The following COMMD10 variants were observed in gnomAD, a reference collection of about 807,000 sequenced individuals.
The protein encoded by COMMD10 is COMM domain containing 10.
COMMD10 carries 33 observed loss-of-function variants against 28.9 expected under a neutral mutation model. The observed-to-expected ratio is 1.14, with a 90% confidence interval of 0.87 to 1.53. The LOEUF (loss-of-function observed/expected upper bound fraction) is 1.53, where lower values mean the gene tolerates loss of function less well. COMMD10 is among the 40% of genes most tolerant of loss of function. The pLI, the probability that COMMD10 is intolerant of heterozygous loss-of-function variation, is 0.00. For synonymous variants in COMMD10, 110 were observed against 81.7 expected, an observed-to-expected ratio of 1.35 and a Z score of -1.87; for missense variants, 310 against 233.4, an observed-to-expected ratio of 1.33 and a Z score of -2.14.
chr5:116,156,166 A>G (rs80066329), intron 5 of COMMD10, among the ~76,000 whole-genome samples: 4,374 of 152,202 alleles, frequency 0.029, 103 homozygotes, highest in East Asian at 0.14. Flanking sequence ...CAGTTCCAAA[A>G]TAACTCTGTA....
At chr5:116,173,009 G>C (rs1034850428) in intron 5 of COMMD10, among the ~76,000 whole-genome samples, 2 of 152,034 alleles carry the variant, frequency 1.3e-5, no homozygotes, top group African/African-American at 4.8e-5. Flanking sequence ...GGCAGTATTA[G>C]AATACTGAGA....
intron 5 of COMMD10, among the ~76,000 whole-genome samples, chr5:116,236,617 T>G (rs1014886745): frequency 1.3e-5 from 2 of 151,860 alleles, no homozygotes; most frequent in Non-Finnish European, 2.9e-5. Flanking sequence ...TACTGCATGA[T>G]TCCAACTATA....
chr5:116,213,074 G>A (rs912751639), intron 5 of COMMD10, among the ~76,000 whole-genome samples: 1 of 151,862 alleles, frequency 6.6e-6, no homozygotes, highest in Non-Finnish European at 1.5e-5. Flanking sequence ...TTTATTTTTT[G>A]ATTGGTTTGT....
intron 4 of COMMD10, among the ~76,000 whole-genome samples, chr5:116,122,605 A>G (rs928953682): frequency 1.3e-5 from 2 of 152,104 alleles, no homozygotes; most frequent in African/African-American, 2.4e-5. Flanking sequence ...GATTTTTCCT[A>G]TCCATGAGCA....
At chr5:116,228,274 T>C (rs1439360474) in intron 5 of COMMD10, among the ~76,000 whole-genome samples, 2 of 151,900 alleles carry the variant, frequency 1.3e-5, no homozygotes, top group Non-Finnish European at 2.9e-5. Context: ...TGAAATATAG[T>C]GCAACGTCAG....
At chr5:116,099,414 G>T (rs2112720311) in intron 4 of COMMD10, among the ~76,000 whole-genome samples, 1 of 107,846 alleles carries the variant, frequency 9.3e-6, no homozygotes, top group South Asian at 3.3e-4. Context: ...GAACATGAGG[G>T]TGCAGATATC....
chr5:116,149,694 G>C (rs1424983615), intron 5 of COMMD10, among the ~76,000 whole-genome samples: 3 of 149,958 alleles, frequency 2.0e-5, no homozygotes, highest in Non-Finnish European at 1.5e-5. Context: ...CCCACTTTTT[G>C]ATGGGGTTGT....
At chr5:116,168,288 T>C (rs1489280688) in intron 5 of COMMD10, among the ~76,000 whole-genome samples, 2 of 152,082 alleles carry the variant, frequency 1.3e-5, no homozygotes, top group Non-Finnish European at 2.9e-5. Flanking sequence ...AAGAGCTAAC[T>C]TTCTTAAATA....
intron 5 of COMMD10, among the ~76,000 whole-genome samples, chr5:116,258,602 TTTATC>T (rs1242133457): frequency 1.3e-5 from 2 of 151,808 alleles, no homozygotes; most frequent in Admixed American, 6.6e-5. Flanking sequence ...TTTAAGTCAT[TTTATC>T]TTAGATCTTT....
chr5:116,214,484 C>T (rs1254217266), intron 5 of COMMD10, among the ~76,000 whole-genome samples: 1 of 152,066 alleles, frequency 6.6e-6, no homozygotes, highest in Non-Finnish European at 1.5e-5. Flanking sequence ...GTTACAGGCA[C>T]TTTTACATAT....
chr5:116,223,545 G>A (rs1749318666), intron 5 of COMMD10, among the ~76,000 whole-genome samples: 1 of 152,090 alleles, frequency 6.6e-6, no homozygotes, highest in Non-Finnish European at 1.5e-5. Context: ...AAAGCAAAAA[G>A]CTCATGGTGC....
chr5:116,137,726 C>G (rs10519444), intron 5 of COMMD10, among the ~76,000 whole-genome samples: 1 of 151,802 alleles, frequency 6.6e-6, no homozygotes, highest in Admixed American at 6.6e-5. Context: ...TAATTGCTAT[C>G]ACACTGGATA....
intron 5 of COMMD10, among the ~76,000 whole-genome samples, chr5:116,226,733 T>G (rs192714396): frequency 1.3e-5 from 2 of 152,268 alleles, no homozygotes; most frequent in East Asian, 3.9e-4. Flanking sequence ...GTAGATGGCC[T>G]TAATATTTCT....
At chr5:116,290,945 A>G (rs1053649316) in intron 5 of COMMD10, among the ~76,000 whole-genome samples, 1 of 152,188 alleles carries the variant, frequency 6.6e-6, no homozygotes, top group African/African-American at 2.4e-5. Flanking sequence ...TCTCTAATGC[A>G]TGTGAAGTAA....
intron 5 of COMMD10, among the ~76,000 whole-genome samples, chr5:116,258,756 C>T (rs998127240): frequency 1.3e-5 from 2 of 151,432 alleles, no homozygotes; most frequent in African/African-American, 4.9e-5. Flanking sequence ...GAATTTTTAT[C>T]CTTGGGGTTT....
At chr5:116,244,365 T>A (rs1478162622) in intron 5 of COMMD10, among the ~76,000 whole-genome samples, 6 of 152,130 alleles carry the variant, frequency 3.9e-5, no homozygotes, top group African/African-American at 1.4e-4. Flanking sequence ...AGAACATAAA[T>A]TCATGTTTCC....
intron 5 of COMMD10, among the ~76,000 whole-genome samples, chr5:116,239,910 T>C (rs1749769743): frequency 6.6e-6 from 1 of 152,152 alleles, no homozygotes; most frequent in South Asian, 2.1e-4. Context: ...ACTATCTACT[T>C]ATAACTTATA....
At chr5:116,274,413 G>T in intron 5 of COMMD10, among the ~76,000 whole-genome samples, 1 of 151,720 alleles carries the variant, frequency 6.6e-6, no homozygotes, top group Admixed American at 6.6e-5. Flanking sequence ...AAAAGAATGA[G>T]TGTGGCTGTG....
chr5:116,186,180 A>C (rs1294586750), intron 5 of COMMD10, among the ~76,000 whole-genome samples: 1 of 152,178 alleles, frequency 6.6e-6, no homozygotes, highest in East Asian at 1.9e-4. Flanking sequence ...TTATTGGTTC[A>C]GCTGCAACTC....
Sources: allele counts gnomAD v4.1 joint callset (sites outside exome capture counted in the v4.1 genomes callset), GRCh38; gene constraint gnomAD v4.1.1; transcripts MANE v1.5; gene names NCBI Gene and HGNC (gene_info 2026-07-23, HGNC 2026-07-21).